NTN1: variants seen among roughly 807,000 people sequenced by gnomAD.
The protein encoded by NTN1 is netrin-1.
NTN1 carries 11 observed loss-of-function variants against 54.2 expected under a neutral mutation model. The observed-to-expected ratio is 0.20, with a 90% CI of 0.13 to 0.34. The LOEUF is 0.34. Ranked by LOEUF, NTN1 falls within the 10% of genes least tolerant of loss-of-function variation. The probability of loss-of-function intolerance (pLI) is 1.00; values close to 1 mark genes in which losing one functional copy is unlikely to be tolerated. For synonymous variants in NTN1, 371 were observed against 382.0 expected (o/e 0.97, Z 0.33); for missense variants, 740 against 893.1 (o/e 0.83, Z 2.18).
At chr17:9,071,975 C>T (rs566567881) in intron 2 of NTN1, among the ~76,000 whole-genome samples, 19 of 152,324 alleles carry the variant, frequency 1.2e-4, no homozygotes, top group Admixed American at 5.2e-4. Flanking sequence ...TTCCACATCC[C>T]TGGGGAGGGG....
chr17:9,151,879 C>G (rs1476114117), intron 2 of NTN1, among the ~76,000 whole-genome samples: 1 of 152,180 alleles, frequency 6.6e-6, no homozygotes, highest in African/African-American at 2.4e-5. Flanking sequence ...AATCAGCGCT[C>G]TGTAAAACAC....
the NTN1 span, among the ~76,000 whole-genome samples, chr17:9,010,292 G>A: frequency 1.3e-5 from 2 of 152,208 alleles, no homozygotes; most frequent in Non-Finnish European, 2.9e-5. Flanking sequence ...CAAATGCCCA[G>A]GAGGCTATTC....
At chr17:9,137,349 G>A (rs1276108319) in intron 2 of NTN1, among the ~76,000 whole-genome samples, 1 of 152,170 alleles carries the variant, frequency 6.6e-6, no homozygotes, top group Non-Finnish European at 1.5e-5. Flanking sequence ...TCTGCTGAGC[G>A]AATATTTGAT....
chr17:9,137,887 T>C (rs565452272), intron 2 of NTN1, among the ~76,000 whole-genome samples: 1 of 152,306 alleles, frequency 6.6e-6, no homozygotes, highest in South Asian at 2.1e-4. Flanking sequence ...CTGTGCCTGA[T>C]TTCAGGAATG....
intron 5 of NTN1, among the ~76,000 whole-genome samples, chr17:9,215,664 A>T (rs927664583): frequency 5.3e-5 from 8 of 152,086 alleles, no homozygotes; most frequent in Non-Finnish European, 1.2e-4. Flanking sequence ...TAGGTCACAA[A>T]TTTTTCCCTT....
chr17:9,072,461 T>A (rs1466791029), intron 2 of NTN1, among the ~76,000 whole-genome samples: 2 of 152,078 alleles, frequency 1.3e-5, no homozygotes, highest in Non-Finnish European at 2.9e-5. Flanking sequence ...TCATCAAACC[T>A]CATTTTGTTG....
chr17:9,221,984 C>T lies in NTN1; in HGVS notation c.1486+742C>T, dbSNP rs1905373007. 6.6e-6 allele frequency among the ~76,000 whole-genome samples: 1 copy of T among 152,150 alleles called. No homozygotes were observed. The highest frequency in any genetic ancestry group is 6.5e-5 in the Admixed American group (1 of 15,276). On this transcript the variant is annotated intron_variant, in intron 6 of 6. Transcript: ENST00000173229. The surrounding 1 kb of genome is among the most constrained non-coding windows in gnomAD (Gnocchi z 4.5). ...CAGGGGCTCTTCAGAATGGGGGACG[C>T]AAATAGAAACCCTGAAAGCATTGTC...
chr17:9,173,391 G>A (rs1006825709), intron 3 of NTN1: 2 of 152,414 alleles, frequency 1.3e-5, no homozygotes, highest in Non-Finnish European at 2.9e-5. Flanking sequence ...CCTCCAAGAG[G>A]CCTGACACCC....
chr17:9,154,928 A>C lies in NTN1; in HGVS notation c.1019-7885A>C, dbSNP rs556227269. Among the ~76,000 whole-genome samples, 5 of 152,200 alleles carry C rather than the reference A, an allele frequency of 3.3e-5. No homozygotes were observed. The East Asian group carries it at 9.7e-4, about 29-fold the overall frequency. On this transcript the variant is annotated intron_variant, in intron 2 of 6. Coordinates refer to ENST00000173229, the MANE Select transcript of NTN1 (RefSeq NM_004822.3). ...AGGCTCTCTGTCCACACAGTGGGTC[A>C]TGTCCCAACTGGGTTCTTTTCCATT...
intron 2 of NTN1, among the ~76,000 whole-genome samples, chr17:9,046,720 G>T (rs188335339): frequency 1.6e-4 from 24 of 152,230 alleles, no homozygotes; most frequent in African/African-American, 4.6e-4. Context: ...CCAGGAGGTC[G>T]AGTTACAGTA....
Position 9,162,928 on chromosome 17 carries a change from C to T in NTN1, c.1134C>T (p.Arg378=), listed in dbSNP as rs1386992627. 6.2e-7 allele frequency: 1 copy of T among 1,613,740 alleles called. No homozygotes were observed. The highest frequency in any genetic ancestry group is 8.5e-7 in the Non-Finnish European group (1 of 1,179,946). The change falls in exon 3 of 7, where the codon CGC becomes CGT. Residue 378 remains arginine (R), a synonymous_variant. Coordinates refer to ENST00000173229, the MANE Select transcript of NTN1 (RefSeq NM_004822.3). ...ACTGTCGCCACAACACCGCCGGCCG[C>T]CACTGCCATTACTGCAAGGAGGGCT... ...CLNCRHNTAG[R]HCHYCKEGYY...
intron 5 of NTN1, among the ~76,000 whole-genome samples, chr17:9,192,807 G>A (rs1326122989): frequency 6.6e-6 from 1 of 152,160 alleles, no homozygotes; most frequent in Non-Finnish European, 1.5e-5. Flanking sequence ...TCGGCCGGGC[G>A]CGGTGGCTCA....
chr17:9,227,686 CTT>C (rs1045999995), intron 6 of NTN1, among the ~76,000 whole-genome samples: 1 of 132,806 alleles, frequency 7.5e-6, no homozygotes, highest in East Asian at 2.3e-4. Flanking sequence ...ACACACCACA[CTT>C]ATACAGACAC....
chr17:9,228,964 TTG>T (rs1224486802), intron 6 of NTN1, among the ~76,000 whole-genome samples: 4 of 150,008 alleles, frequency 2.7e-5, no homozygotes, highest in Non-Finnish European at 5.9e-5. Flanking sequence ...GCGTGTGTGA[TTG>T]TGTTTACGAC....
chr17:9,102,041 C>T (rs975199609), intron 2 of NTN1, among the ~76,000 whole-genome samples: 2 of 152,212 alleles, frequency 1.3e-5, no homozygotes, highest in African/African-American at 2.4e-5. Context: ...TGGTGCTCCA[C>T]TCCATTAATC....
intron 2 of NTN1, among the ~76,000 whole-genome samples, chr17:9,129,097 G>A (rs535741659): frequency 1.6e-4 from 25 of 152,160 alleles, no homozygotes; most frequent in African/African-American, 5.8e-4. Context: ...TCGTTGCCTC[G>A]GCCAGCAAAA....
chr17:9,239,697 T>C lies in NTN1; in HGVS notation c.1544T>C (p.Val515Ala), dbSNP rs1234766339. Residue 515 changes from valine to alanine, a missense_variant, in exon 7 of 7, where the codon GTG (valine) becomes GCG (alanine). Physicochemically the swap from Val to Ala is moderately conservative, Grantham distance 64. Coordinates refer to ENST00000173229, the MANE Select transcript of NTN1 (RefSeq NM_004822.3). The surrounding 1 kb of genome is among the most constrained non-coding windows in gnomAD (Gnocchi z 5.2). ...DKAGDWWKFTVNIISVYKQGT... is the reference protein window; with the variant it reads ...DKAGDWWKFTANIISVYKQGT... Reference sequence around the variant, plus strand: ...GCGGGGGACTGGTGGAAGTTCACGGTGAACATCATCTCCGTGTATAAGCAG... The same window carrying C: ...GCGGGGGACTGGTGGAAGTTCACGGCGAACATCATCTCCGTGTATAAGCAG... The C allele has an allele frequency of 6.2e-7, 1 of 1,613,136 alleles. No homozygotes were observed.
In NTN1 at chr17:9,049,965, G is replaced by A. The variant is rs185408345; in HGVS notation, c.1018+26574G>A. On this transcript the variant is annotated intron_variant, in intron 2 of 6. Transcript: ENST00000173229. ...TTCATATTAAAAAATAATAAATGTC[G>A]GCCAGGCGCAGTGGCTCACGCCTGT... is the stretch of plus-strand genomic sequence containing the variant. Among the ~76,000 whole-genome samples, 288 of 152,092 alleles carry A rather than the reference G, an allele frequency of 1.9e-3. 2 individuals are homozygous for A. The highest frequency in any genetic ancestry group is 3.4e-3 in the Non-Finnish European group (234 of 67,972).
upstream of NTN1, among the ~76,000 whole-genome samples, chr17:9,018,306 A>G (rs1311685583): frequency 2.0e-5 from 3 of 152,166 alleles, no homozygotes; most frequent in Non-Finnish European, 4.4e-5. Context: ...GAGCCATTTC[A>G]AACTTACTGC....
Sources: allele counts gnomAD v4.1 joint callset (sites outside exome capture counted in the v4.1 genomes callset), GRCh38; gene constraint gnomAD v4.1.1; non-coding constraint Gnocchi (gnomAD v3.1); transcripts MANE v1.5; gene names NCBI Gene and HGNC (gene_info 2026-07-23, HGNC 2026-07-21).